CCDC171: variants seen among roughly 807,000 people sequenced by gnomAD.
CCDC171 encodes coiled-coil domain-containing protein 171.
Under a neutral mutation model 168.2 loss-of-function variants are expected in CCDC171, and 177 were observed. That is an observed-to-expected ratio of 1.05 (90% CI 0.93 to 1.19). The LOEUF (loss-of-function observed/expected upper bound fraction) is 1.19, where lower values mean the gene tolerates loss of function less well. CCDC171 is among the 50% of genes most tolerant of loss of function. The pLI is 0.00. For synonymous variants in CCDC171, 687 were observed against 540.8 expected (o/e 1.27, Z -3.75); for missense variants, 1,991 against 1,539.0 (o/e 1.29, Z -4.91).
At chr9:15,584,114 G>A (rs893451751) in intron 4 of CCDC171, among the ~76,000 whole-genome samples, 4 of 152,120 alleles carry the variant, frequency 2.6e-5, no homozygotes, top group Non-Finnish European at 5.9e-5. Flanking sequence ...TGATCCACCC[G>A]CCTCGGCCTC....
intron 6 of CCDC171, among the ~76,000 whole-genome samples, chr9:15,596,958 G>A (rs911640910): frequency 6.6e-6 from 1 of 152,064 alleles, no homozygotes; most frequent in Non-Finnish European, 1.5e-5. Context: ...TCTGTTATTG[G>A]TGTATAAGAA....
intron 25 of CCDC171, among the ~76,000 whole-genome samples, chr9:15,949,470 C>T (rs1246441936): frequency 6.6e-6 from 1 of 152,178 alleles, no homozygotes; most frequent in Non-Finnish European, 1.5e-5. Flanking sequence ...AATGTTCTTC[C>T]ATTTGCTTGT....
chr9:15,568,945 G>C (rs984293458), intron 2 of CCDC171, among the ~76,000 whole-genome samples: 1 of 152,042 alleles, frequency 6.6e-6, no homozygotes, highest in Non-Finnish European at 1.5e-5. Flanking sequence ...GATTGCTTTA[G>C]GCATCTTCGT....
At chr9:16,087,712 G>A in the CCDC171 span, among the ~76,000 whole-genome samples, 1 of 151,950 alleles carries the variant, frequency 6.6e-6, no homozygotes, top group Admixed American at 6.6e-5. Flanking sequence ...TTGCCAGTCT[G>A]TGTCTTCTAA....
intron 25 of CCDC171, among the ~76,000 whole-genome samples, chr9:15,967,730 T>G (rs1830941473): frequency 6.6e-6 from 1 of 152,208 alleles, no homozygotes; most frequent in Non-Finnish European, 1.5e-5. Context: ...TTCAGTCTAG[T>G]ATTCTTTTAA....
At chr9:16,029,755 G>T (rs1181884397) in intron 6 of CCDC171, among the ~76,000 whole-genome samples, 1 of 152,158 alleles carries the variant, frequency 6.6e-6, no homozygotes, top group Non-Finnish European at 1.5e-5. Flanking sequence ...CCAAATTGGT[G>T]AACAAAGTAA....
At chr9:16,050,131 C>T (rs1364102856) in intron 1 of CCDC171, among the ~76,000 whole-genome samples, 1 of 152,226 alleles carries the variant, frequency 6.6e-6, no homozygotes, top group East Asian at 1.9e-4. Context: ...TGATGATTCA[C>T]CTGCCTTGGC....
intron 23 of CCDC171, among the ~76,000 whole-genome samples, chr9:15,857,800 G>A (rs751893474): frequency 2.0e-5 from 3 of 151,822 alleles, no homozygotes; most frequent in African/African-American, 7.3e-5. Context: ...TCCCCATTGT[G>A]TCTTCTTTGC....
intron 9 of CCDC171, among the ~76,000 whole-genome samples, chr9:15,675,312 T>A (rs966353001): frequency 6.6e-6 from 1 of 151,636 alleles, no homozygotes; most frequent in East Asian, 1.9e-4. Flanking sequence ...CTGATGGGTC[T>A]TGACTCTTTA....
chr9:15,726,114 A>G (rs2053783571), intron 14 of CCDC171, among the ~76,000 whole-genome samples: 1 of 152,186 alleles, frequency 6.6e-6, no homozygotes, highest in Non-Finnish European at 1.5e-5. Context: ...TAAAAAGGAA[A>G]CATTCTTTCC....
intron 21 of CCDC171, among the ~76,000 whole-genome samples, chr9:15,829,520 A>T (rs2060144915): frequency 3.3e-5 from 5 of 152,214 alleles, no homozygotes; most frequent in Admixed American, 2.6e-4. Flanking sequence ...TGTCTAAAGC[A>T]TCTAAAATTT....
chr9:15,921,624 G>A (rs4741548), intron 25 of CCDC171, among the ~76,000 whole-genome samples: 47,751 of 151,318 alleles, frequency 0.32, 9,393 homozygotes, highest in East Asian at 0.61. Flanking sequence ...TGAGTGAAAA[G>A]TACGAGTAAT....
chr9:16,096,433 AG>A, the CCDC171 span, among the ~76,000 whole-genome samples: 4 of 152,224 alleles, frequency 2.6e-5, no homozygotes, highest in Admixed American at 2.0e-4. Flanking sequence ...ATGCTGCTAC[AG>A]GAAGCAGAAG....
At chr9:15,749,065 G>A (rs1200122924) in intron 18 of CCDC171, among the ~76,000 whole-genome samples, 1 of 151,794 alleles carries the variant, frequency 6.6e-6, no homozygotes, top group Non-Finnish European at 1.5e-5. Flanking sequence ...CTGTATTCAG[G>A]AGACCCATCT....
chr9:15,826,066 C>T (rs1415263377), intron 21 of CCDC171, among the ~76,000 whole-genome samples: 2 of 151,882 alleles, frequency 1.3e-5, no homozygotes, highest in East Asian at 1.9e-4. Context: ...TTTCTATCTT[C>T]TTATTTTATA....
intron 2 of CCDC171, among the ~76,000 whole-genome samples, chr9:15,571,208 T>G (rs887479558): frequency 6.6e-6 from 1 of 152,228 alleles, no homozygotes; most frequent in Non-Finnish European, 1.5e-5. Flanking sequence ...TTTTAATTTT[T>G]ATTTTTGGGA....
At chr9:15,944,144 GT>G (rs1483683772) in intron 25 of CCDC171, among the ~76,000 whole-genome samples, 3 of 151,866 alleles carry the variant, frequency 2.0e-5, no homozygotes, top group African/African-American at 7.3e-5. Context: ...TGTGATAAAC[GT>G]GATATTTGTA....
rs1031051739 is a variant in CCDC171, at chr9:15,564,012, T to A, written c.-77T>A. 4 of 1,158,882 alleles carry A rather than the reference T, an allele frequency of 3.5e-6. No homozygotes were observed. Among genetic ancestry groups the A allele is most frequent in the Admixed American group, 1.9e-5 (1 of 52,444 alleles). The allele number at this position is 1,158,882 out of a possible 1,614,324, so 71.8% of individuals were successfully genotyped here. On this transcript the variant is annotated 5_prime_UTR_variant, in exon 2 of 26. In the 5' UTR this introduces an upstream ATG that the reference lacks. Coordinates refer to ENST00000380701, the MANE Select transcript of CCDC171 (RefSeq NM_173550.4). The stretch of plus-strand genomic sequence containing the variant: ...CATCTAACGTGAAGCCACAGACATC[T>A]TGGGCAATTTTAATCATCAAGAAAG...
At chr9:15,598,235 G>A (rs1440187597) in intron 6 of CCDC171, among the ~76,000 whole-genome samples, 1 of 151,962 alleles carries the variant, frequency 6.6e-6, no homozygotes, top group Non-Finnish European at 1.5e-5. Flanking sequence ...TTTTAATTGT[G>A]ATGTTAGGGT....
Sources: gnomAD v4.1 joint callset for allele counts (sites outside exome capture counted in the v4.1 genomes callset) on GRCh38, gnomAD v4.1.1 for gene constraint, MANE v1.5 for transcripts, NCBI Gene and HGNC (gene_info 2026-07-23, HGNC 2026-07-21) for gene names.